CNTNAP2: variants seen among roughly 807,000 people sequenced by gnomAD.
The protein encoded by CNTNAP2 is contactin associated protein 2, also known as contactin-associated protein-like 2.
CNTNAP2 carries 98 observed loss-of-function variants against 155.2 expected under a neutral mutation model. The ratio of observed to expected loss-of-function variants is 0.63; its 90% CI spans 0.54 to 0.75. CNTNAP2 has a LOEUF of 0.75. Among genes scored for constraint, CNTNAP2 ranks in the 30% least tolerant of loss-of-function variants. The pLI is 0.00. For missense variants in CNTNAP2, 1,727 were observed against 1,688.1 expected, an observed-to-expected ratio of 1.02 and a Z score of -0.40; for synonymous variants, 651 against 631.2, an observed-to-expected ratio of 1.03 and a Z score of -0.47.
intron 3 of CNTNAP2, among the ~76,000 whole-genome samples, chr7:146,895,268 C>G (rs1048285482): frequency 7.2e-6 from 1 of 138,772 alleles, no homozygotes. Flanking sequence ...CCTTCCCCTT[C>G]CTTCTTTCCT....
At chr7:147,505,239 G>A (rs13240275) in intron 11 of CNTNAP2, among the ~76,000 whole-genome samples, 1 of 152,082 alleles carries the variant, frequency 6.6e-6, no homozygotes, top group South Asian at 2.1e-4. Context: ...AGCTCCATTA[G>A]AAATTAAAGG....
At chr7:147,376,767 A>G (rs552670271) in intron 9 of CNTNAP2, among the ~76,000 whole-genome samples, 30 of 152,094 alleles carry the variant, frequency 2.0e-4, no homozygotes, top group Middle Eastern at 3.4e-3. Context: ...TAATAACACA[A>G]CTGGGGCAAT....
chr7:146,288,869 C>T (rs1026746960), intron 1 of CNTNAP2, among the ~76,000 whole-genome samples: 3 of 134,002 alleles, frequency 2.2e-5, no homozygotes, highest in African/African-American at 8.8e-5. Flanking sequence ...TAGTGGTGCA[C>T]TCTCGGCTCA....
At chr7:146,532,929 A>C (rs1486926992) in intron 1 of CNTNAP2, among the ~76,000 whole-genome samples, 2 of 151,538 alleles carry the variant, frequency 1.3e-5, no homozygotes, top group Non-Finnish European at 2.9e-5. Flanking sequence ...CTAAAAAATA[A>C]AAATAAATAA....
At chr7:147,368,803 CAG>C (rs1411373250) in intron 9 of CNTNAP2, among the ~76,000 whole-genome samples, 10 of 152,212 alleles carry the variant, frequency 6.6e-5, no homozygotes, top group Admixed American at 5.9e-4. Flanking sequence ...CCAGCTAAAA[CAG>C]AGTTGGTATT....
At chr7:146,375,146 C>CA (rs1408067338) in intron 1 of CNTNAP2, among the ~76,000 whole-genome samples, 3 of 152,208 alleles carry the variant, frequency 2.0e-5, no homozygotes, top group Admixed American at 2.0e-4. Flanking sequence ...TTCACTGTTT[C>CA]AATAAACAAT....
intron 1 of CNTNAP2, among the ~76,000 whole-genome samples, chr7:146,371,717 C>T (rs1208069726): frequency 6.6e-6 from 1 of 151,492 alleles, no homozygotes. Flanking sequence ...TGTGGTAGGC[C>T]GAGGTGGGCG....
chr7:147,562,298 A>G (rs202079908), intron 12 of CNTNAP2, 41 bp downstream of exon 12: 67 of 1,611,550 alleles, frequency 4.2e-5, no homozygotes, highest in Non-Finnish European at 5.3e-5. Flanking sequence ...ATGCTTTTCT[A>G]TATGTCACGA....
intron 13 of CNTNAP2, among the ~76,000 whole-genome samples, chr7:147,697,669 G>A (rs140237404): frequency 2.2e-4 from 34 of 152,202 alleles, no homozygotes; most frequent in Middle Eastern, 3.4e-3. Context: ...ACCCCTTTAC[G>A]TGGCACAGGG....
intron 1 of CNTNAP2, among the ~76,000 whole-genome samples, chr7:146,121,056 C>G (rs1455828150): frequency 6.7e-6 from 1 of 149,486 alleles, no homozygotes; most frequent in South Asian, 2.1e-4. Flanking sequence ...TTCACTGTTC[C>G]TTATTAGTAA....
chr7:147,469,174 C>CAT (rs1259931706), intron 10 of CNTNAP2, among the ~76,000 whole-genome samples: 1 of 152,108 alleles, frequency 6.6e-6, no homozygotes, highest in African/African-American at 2.4e-5. Context: ...AAAATTAAAA[C>CAT]ATGAAGCTCC....
At chr7:148,015,763 GATTT>G (rs1802166056) in intron 15 of CNTNAP2, among the ~76,000 whole-genome samples, 1 of 152,144 alleles carries the variant, frequency 6.6e-6, no homozygotes, top group Admixed American at 6.5e-5. Flanking sequence ...TAAGAAAATT[GATTT>G]TTTGTTTCAG....
chr7:147,210,718 A>G (rs1803129250), intron 8 of CNTNAP2, among the ~76,000 whole-genome samples: 1 of 151,886 alleles, frequency 6.6e-6, no homozygotes, highest in Non-Finnish European at 1.5e-5. Context: ...TTTTTGAGGT[A>G]AGTTTTAGCA....
At chr7:147,336,661 G>A (rs1308752502) in intron 9 of CNTNAP2, among the ~76,000 whole-genome samples, 1 of 152,102 alleles carries the variant, frequency 6.6e-6, no homozygotes, top group African/African-American at 2.4e-5. Flanking sequence ...TATAGAACTA[G>A]TTAGTGGCAG....
chr7:146,842,730 G>A (rs1803755979), intron 3 of CNTNAP2, among the ~76,000 whole-genome samples: 1 of 152,064 alleles, frequency 6.6e-6, no homozygotes, highest in Non-Finnish European at 1.5e-5. Flanking sequence ...CTTTCGCCCA[G>A]GCTGGAGTGC....
intron 1 of CNTNAP2, among the ~76,000 whole-genome samples, chr7:146,431,570 T>C (rs1796173394): frequency 1.3e-5 from 2 of 152,230 alleles, no homozygotes; most frequent in South Asian, 4.1e-4. Context: ...GGCATATTTC[T>C]ATATGCTTTA....
chr7:147,047,620 A>T (rs1051228939), intron 4 of CNTNAP2, among the ~76,000 whole-genome samples: 1 of 152,208 alleles, frequency 6.6e-6, no homozygotes, highest in Admixed American at 6.5e-5. Context: ...TAACAATAAT[A>T]ATTTTAAAGC....
chr7:146,808,046 G>A (rs1466188534), intron 2 of CNTNAP2, among the ~76,000 whole-genome samples: 1 of 152,160 alleles, frequency 6.6e-6, no homozygotes, highest in Admixed American at 6.6e-5. Context: ...TTGATAGGAT[G>A]TTTCTGCTGC....
In CNTNAP2 at chr7:146,620,015, A is replaced by T. The variant is rs1168513399; in HGVS notation, c.98-154256A>T. Among the ~76,000 whole-genome samples, 24 of 152,218 alleles carry T rather than the reference A, an allele frequency of 1.6e-4. 1 individual carries two copies. The highest frequency in any genetic ancestry group is 1.6e-3 in the Admixed American group (24 of 15,292). ...CAACAGAGTAACTAGTATTTCAAAA[A>T]TGTTCATATAGCCTTGCAAATAGTT... On this transcript the variant is annotated intron_variant, in intron 1 of 23. Transcript: ENST00000361727.
Sources: allele counts gnomAD v4.1 joint callset (sites outside exome capture counted in the v4.1 genomes callset), GRCh38; gene constraint gnomAD v4.1.1; transcripts MANE v1.5; gene names NCBI Gene and HGNC (gene_info 2026-07-23, HGNC 2026-07-21).